C10orf71: variants seen among roughly 807,000 people sequenced by gnomAD.
C10orf71 encodes the protein cardiac-enriched FHL2-interacting protein.
For missense variants in C10orf71, 1,869 were observed against 1,804.5 expected, an observed-to-expected ratio of 1.04 and a Z score of -0.65; for synonymous variants, 758 against 726.3, an observed-to-expected ratio of 1.04 and a Z score of -0.70.
intron 1 of C10orf71, among the ~76,000 whole-genome samples, chr10:49,312,774 T>A (rs1013757489): frequency 6.6e-6 from 1 of 152,232 alleles, no homozygotes; most frequent in East Asian, 1.9e-4. Context: ...CCCGTCCACC[T>A]GCTTCCATCT....
In C10orf71 at chr10:49,322,522, G is replaced by A. The variant is rs759943147; in HGVS notation, c.-24G>A. The stretch of plus-strand genomic sequence containing the variant: ...ACCAGAGACACCTGCCGGCTGACAA[G>A]GACAGCTTTCTTGGAGCCAACAGAT... On this transcript the variant is annotated 5_prime_UTR_variant, in exon 3 of 3. Transcript: ENST00000374144. The A allele has an allele frequency of 5.7e-6, 9 of 1,576,556 alleles. No individual in the cohort carries two copies. The highest frequency in any genetic ancestry group is 1.8e-4 in the Middle Eastern group (1 of 5,568).
Position 49,325,554 on chromosome 10 carries a change from C to T in C10orf71, c.3009C>T (p.Thr1003=). 1.3e-6 allele frequency: 2 copies of T among 1,550,668 alleles called. No individual in the cohort carries two copies. The highest frequency in any genetic ancestry group is 8.7e-7 in the Non-Finnish European group (1 of 1,146,118). The change falls in exon 3 of 3, where the codon ACC becomes ACT. Residue 1003 remains threonine, a synonymous_variant. Transcript: ENST00000374144. ...TGGCAGCCCCATGGCACATCCCCACCATTGCTTTACCCGAGGGTGACATAG... is the reference window on the plus strand; with the variant it reads ...TGGCAGCCCCATGGCACATCCCCACTATTGCTTTACCCGAGGGTGACATAG... ...GKLAAPWHIP[T]IALPEGDIED...
At position 49,324,282 on chromosome 10, in the gene C10orf71, C is replaced by A; in HGVS notation, c.1737C>A (p.Asp579Glu). The A allele has an allele frequency of 6.2e-7, 1 of 1,613,948 alleles. No homozygotes were observed. The highest frequency in any genetic ancestry group is 2.2e-5 in the East Asian group (1 of 44,878). Reference protein sequence around the residue: ...HINPQKDPTADPSEPSADSYL... With the variant: ...HINPQKDPTAEPSEPSADSYL... ...ATCCCCAGAAGGACCCTACAGCTGA[C>A]CCCAGTGAGCCCTCTGCAGACAGCT... Residue 579 changes from aspartate to glutamate, a missense_variant, in exon 3 of 3, where the codon GAC (aspartate) becomes GAA (glutamate). Asp to Glu is a conservative substitution (Grantham distance 45, BLOSUM62 2). Coordinates refer to ENST00000374144, the MANE Select transcript of C10orf71 (RefSeq NM_001135196.2).
rs571660103 is a variant in C10orf71, at chr10:49,315,809, A to G, written c.-247-336A>G. 2.6e-5 allele frequency among the ~76,000 whole-genome samples: 4 copies of G among 152,334 alleles called. No individual in the cohort carries two copies. The South Asian group carries it at 8.3e-4, about 32-fold the overall frequency. ...GACGGTTCACCCCTGTAATCCCAGA[A>G]CTTTGGGAGGCCAAGGCAGGCAGAT... is the stretch of plus-strand genomic sequence containing the variant. On this transcript the variant is annotated intron_variant, in intron 1 of 2. Transcript: ENST00000374144.
At chr10:49,319,994 T>C (rs563345669) in intron 2 of C10orf71, among the ~76,000 whole-genome samples, 1 of 152,172 alleles carries the variant, frequency 6.6e-6, no homozygotes, top group South Asian at 2.1e-4. Context: ...GGGGAAATGG[T>C]AAGTTGTTGC....
At chr10:49,297,895 C>T (rs117785247), upstream of C10orf71, among the ~76,000 whole-genome samples, 23 of 152,298 alleles carry the variant, frequency 1.5e-4, no homozygotes, top group East Asian at 5.8e-4. Flanking sequence ...TCTCTGAGTG[C>T]GGAGCAGCAA....
chr10:49,310,698 G>C (rs12414082), intron 1 of C10orf71, among the ~76,000 whole-genome samples: 15,307 of 152,050 alleles, frequency 0.1, 896 homozygotes, highest in East Asian at 0.28. Flanking sequence ...TGTCATCCCA[G>C]TATTGACTCA....
At position 49,327,040 on chromosome 10, in the gene C10orf71, A is replaced by C; in HGVS notation, c.*187A>C. ...AGGGATCCCAAGACGACCTCACCCA[A>C]AGGGCTCCCTGGCTCTCCTCTGATG... On this transcript the variant is annotated 3_prime_UTR_variant, in exon 3 of 3. Transcript: ENST00000374144. The C allele has an allele frequency of 4.7e-5, 71 of 1,500,012 alleles. No individual in the cohort carries two copies. Among genetic ancestry groups the C allele is most frequent in the East Asian group, 2.6e-4 (9 of 34,782 alleles). 92.9% of individuals were successfully genotyped at this position (1,500,012 alleles called of 1,614,324 possible). A position where few individuals can be genotyped will look rare whatever the true frequency, so the allele number is the denominator to read the frequency against.
At chr10:49,307,463 A>G (rs897562549) in intron 1 of C10orf71, among the ~76,000 whole-genome samples, 1 of 152,250 alleles carries the variant, frequency 6.6e-6, no homozygotes, top group East Asian at 1.9e-4. Flanking sequence ...GTGATCCTCC[A>G]TAATGCTCCA....
At chr10:49,305,899 T>C (rs1035585154) in intron 1 of C10orf71, among the ~76,000 whole-genome samples, 8 of 152,142 alleles carry the variant, frequency 5.3e-5, no homozygotes, top group African/African-American at 1.9e-4. Context: ...TGTGAAGAGG[T>C]TTTTTAAATG....
intron 1 of C10orf71, among the ~76,000 whole-genome samples, chr10:49,304,403 G>T (rs551767834): frequency 6.6e-6 from 1 of 152,226 alleles, no homozygotes; most frequent in African/African-American, 2.4e-5. Flanking sequence ...TACTCAATTT[G>T]CCAGTTGTTG....
intron 1 of C10orf71, among the ~76,000 whole-genome samples, chr10:49,302,415 T>G (rs1848744274): frequency 6.6e-6 from 1 of 152,106 alleles, no homozygotes; most frequent in Non-Finnish European, 1.5e-5. Context: ...CTACAACCAC[T>G]AGATGCAAGC....
rs778933782 is a variant in C10orf71 at position 49,322,714 on chromosome 10, C to A, written c.169C>A (p.Pro57Thr). 6.2e-7 allele frequency: 1 copy of A among 1,613,980 alleles called. No homozygotes were observed. Among genetic ancestry groups the A allele is most frequent in the Non-Finnish European group, 8.5e-7 (1 of 1,179,884 alleles). Residue 57 changes from proline (P) to threonine (T), a missense_variant, in exon 3 of 3, where the codon CCG becomes ACG. Coordinates refer to ENST00000374144, the MANE Select transcript of C10orf71 (RefSeq NM_001135196.2). ...SFHDSYLAVSPDITRQVFGTF... is the reference protein window; with the variant it reads ...SFHDSYLAVSTDITRQVFGTF... The stretch of plus-strand genomic sequence containing the variant: ...CCATGACTCCTATCTGGCTGTGTCC[C>A]CGGATATCACCCGACAGGTGTTTGG...
intron 1 of C10orf71, among the ~76,000 whole-genome samples, chr10:49,302,559 C>T (rs1248161152): frequency 3.3e-5 from 5 of 152,218 alleles, no homozygotes; most frequent in Non-Finnish European, 4.4e-5. Context: ...AGCCCCCTCA[C>T]GGAGGCAGGC....
chr10:49,309,633 G>A (rs1032686666), intron 1 of C10orf71, among the ~76,000 whole-genome samples: 3 of 152,168 alleles, frequency 2.0e-5, no homozygotes, highest in African/African-American at 7.2e-5. Flanking sequence ...CAGAGAGGTC[G>A]AGAGCTTGGC....
chr10:49,318,907 T>C (rs1849043594), intron 2 of C10orf71, among the ~76,000 whole-genome samples: 2 of 152,250 alleles, frequency 1.3e-5, no homozygotes, highest in Non-Finnish European at 2.9e-5. Context: ...AGGCAGGATC[T>C]GGGGCTTCTG....
At chr10:49,301,363 T>C (rs1162275551) in intron 1 of C10orf71, among the ~76,000 whole-genome samples, 1 of 152,254 alleles carries the variant, frequency 6.6e-6, no homozygotes, top group South Asian at 2.1e-4. Flanking sequence ...CTCAATCATA[T>C]GCTTCATTTA....
At chr10:49,311,405 A>G (rs1439821402) in intron 1 of C10orf71, among the ~76,000 whole-genome samples, 1 of 152,246 alleles carries the variant, frequency 6.6e-6, no homozygotes, top group African/African-American at 2.4e-5. Flanking sequence ...GCCCCGAGGA[A>G]GACAAGGGCA....
At chr10:49,320,159 AG>A (rs540219128) in intron 2 of C10orf71, among the ~76,000 whole-genome samples, 3 of 152,252 alleles carry the variant, frequency 2.0e-5, no homozygotes, top group Non-Finnish European at 4.4e-5. Flanking sequence ...AAAAAAGGAA[AG>A]GGCTATAACA....
Sources: gnomAD v4.1 joint callset for allele counts (sites outside exome capture counted in the v4.1 genomes callset) on GRCh38, gnomAD v4.1.1 for gene constraint, MANE v1.5 for transcripts, NCBI Gene and HGNC (gene_info 2026-07-23, HGNC 2026-07-21) for gene names.